The following MBTD1 variants were observed in gnomAD, a reference collection of about 807,000 sequenced individuals.
The protein encoded by MBTD1 is mbt domain containing 1.
A neutral mutation model predicts 87.8 loss-of-function variants in MBTD1; 24 were observed. The observed-to-expected ratio is 0.27, with a 90% CI of 0.20 to 0.38. The LOEUF is 0.38. MBTD1 is among the 10% of genes least tolerant of loss of function. The probability of loss-of-function intolerance (pLI) is 1.00; values close to 1 mark genes in which losing one functional copy is unlikely to be tolerated. For synonymous variants in MBTD1, 237 were observed against 248.6 expected, an observed-to-expected ratio of 0.95 and a Z score of 0.44; for missense variants, 436 against 760.2, an observed-to-expected ratio of 0.57 and a Z score of 5.02.
chr17:51,208,241 C>T (rs1424659846), intron 6 of MBTD1, among the ~76,000 whole-genome samples: 1 of 152,208 alleles, frequency 6.6e-6, no homozygotes, highest in African/African-American at 2.4e-5. Flanking sequence ...AAACCAAAGA[C>T]AGAATCAATT....
intron 12 of MBTD1, 122 bp downstream of exon 12, chr17:51,201,470 C>T (rs2051485579): frequency 1.9e-6 from 1 of 537,190 alleles, no homozygotes; most frequent in Non-Finnish European, 3.2e-6. Flanking sequence ...GCAACCTTCT[C>T]CCCAGTGAAG....
intron 2 of MBTD1, among the ~76,000 whole-genome samples, chr17:51,227,515 C>T (rs1277812929): frequency 2.6e-5 from 4 of 151,606 alleles, no homozygotes; most frequent in Admixed American, 6.6e-5. Context: ...GAGCCACGAT[C>T]GTGCCCCTGC....
Position 51,180,123 on chromosome 17 carries a change from G to A in MBTD1, c.*453C>T, listed in dbSNP as rs1469044555. On this transcript the variant is annotated 3_prime_UTR_variant, in exon 17 of 17. Transcript: ENST00000586178. ...CATATTTCTGCAGCAAAAGAAGCTG[G>A]AGATGTGACTGGCCTAACTTCTAAA... 5 of 155,644 alleles carry A rather than the reference G, an allele frequency of 3.2e-5. No individual in the cohort carries two copies. Among genetic ancestry groups the A allele is most frequent in the African/African-American group, 1.2e-4 (5 of 41,570 alleles). The allele number at this position is 155,644 out of a possible 1,614,324, so 9.6% of individuals were successfully genotyped here. A position where few individuals can be genotyped will look rare whatever the true frequency, so the allele number is the denominator to read the frequency against.
intron 12 of MBTD1, among the ~76,000 whole-genome samples, chr17:51,196,725 T>C (rs1430089622): frequency 2.0e-5 from 3 of 151,370 alleles, no homozygotes; most frequent in Non-Finnish European, 4.4e-5. Flanking sequence ...ACCCAGTCTC[T>C]ACTAAAAATA....
At chr17:51,212,976 C>A (rs1218308469) in intron 6 of MBTD1, among the ~76,000 whole-genome samples, 1 of 152,202 alleles carries the variant, frequency 6.6e-6, no homozygotes, top group Non-Finnish European at 1.5e-5. Context: ...GATCCGCCTG[C>A]CTCGGCCTCC....
intron 2 of MBTD1, among the ~76,000 whole-genome samples, chr17:51,234,057 CA>C (rs950489474): frequency 6.6e-6 from 1 of 150,872 alleles, no homozygotes; most frequent in Admixed American, 6.6e-5. Context: ...ATAGGAAAAA[CA>C]AAAAAAAGAA....
chr17:51,200,757 A>G (rs2051434824), intron 12 of MBTD1, among the ~76,000 whole-genome samples: 1 of 151,134 alleles, frequency 6.6e-6, no homozygotes, highest in Non-Finnish European at 1.5e-5. Context: ...CCAGCTACTC[A>G]GGGGGCCGAG....
intron 2 of MBTD1, among the ~76,000 whole-genome samples, chr17:51,241,320 C>T (rs991723997): frequency 3.9e-5 from 6 of 152,096 alleles, no homozygotes; most frequent in African/African-American, 1.4e-4. Flanking sequence ...GGTTTCTCCA[C>T]TGTACTTTTA....
At chr17:51,223,798 T>G (rs557047966) in intron 3 of MBTD1, among the ~76,000 whole-genome samples, 1 of 152,098 alleles carries the variant, frequency 6.6e-6, no homozygotes, top group Non-Finnish European at 1.5e-5. Context: ...ATTGCACCAC[T>G]GCACTCCAGC....
intron 16 of MBTD1, chr17:51,185,825 A>T (rs1455348286): frequency 1.3e-5 from 2 of 152,376 alleles, no homozygotes; most frequent in Non-Finnish European, 2.9e-5. Context: ...ATTTTATAAC[A>T]AAGTAAAAAA....
chr17:51,210,299 T>A (rs1337713041), intron 6 of MBTD1, among the ~76,000 whole-genome samples: 2 of 151,800 alleles, frequency 1.3e-5, no homozygotes, highest in East Asian at 2.0e-4. Flanking sequence ...CCTCTACTCA[T>A]CTTTTGATTT....
At chr17:51,227,360 A>T (rs1413614354) in intron 2 of MBTD1, among the ~76,000 whole-genome samples, 1 of 152,024 alleles carries the variant, frequency 6.6e-6, no homozygotes. Flanking sequence ...CAGGAGTTCA[A>T]GACTAGCCTG....
intron 16 of MBTD1, among the ~76,000 whole-genome samples, chr17:51,187,371 C>CA (rs2050584265): frequency 6.8e-6 from 1 of 147,382 alleles, no homozygotes; most frequent in Non-Finnish European, 1.5e-5. Context: ...CACAGTGCTC[C>CA]AGGCTGGGCA....
At chr17:51,222,425 GAC>G (rs2052958549) in intron 3 of MBTD1, among the ~76,000 whole-genome samples, 1 of 151,998 alleles carries the variant, frequency 6.6e-6, no homozygotes, top group East Asian at 1.9e-4. Flanking sequence ...TTTTTTTTGA[GAC>G]ACAGTCTCGC....
chr17:51,260,234 C>T (rs996136202), upstream of MBTD1: 1 of 436,926 alleles, frequency 2.3e-6, no homozygotes, highest in Admixed American at 4.1e-5. Context: ...TGGTTACAGC[C>T]AAGAGGAAAA....
Position 51,179,483 on chromosome 17 carries a change from TTTATATATATATATATATATATATATATA to T in MBTD1, c.*1064_*1092del, listed in dbSNP as rs1290302282. 41 of 37,052 alleles carry T rather than the reference TTTATATATATATATATATATATATATATA, an allele frequency of 1.1e-3. 1 individual carries two copies. Among genetic ancestry groups the T allele is most frequent in the African/African-American group, 6.2e-3 (38 of 6,124 alleles). The allele number at this position is 37,052 out of a possible 1,614,324, so 2.3% of individuals were successfully genotyped here. A position where few individuals can be genotyped will look rare whatever the true frequency, so the allele number is the denominator to read the frequency against. On this transcript the variant is annotated 3_prime_UTR_variant, in exon 17 of 17. Transcript: ENST00000586178. ...AATCCTGAATACAATTAAAGACAAT[TTTATATATATATATATATATATATATATA>T]TATATATATATATATATATATATAT...
intron 2 of MBTD1, among the ~76,000 whole-genome samples, chr17:51,230,943 T>G (rs867678062): frequency 9.9e-5 from 15 of 151,998 alleles, no homozygotes; most frequent in African/African-American, 3.6e-4. Context: ...ATACTCATAG[T>G]TTTTTTTGTT....
chr17:51,216,960 G>C (rs943456732), intron 6 of MBTD1, among the ~76,000 whole-genome samples: 1 of 151,992 alleles, frequency 6.6e-6, no homozygotes, highest in Admixed American at 6.6e-5. Flanking sequence ...CAGCATTTTG[G>C]GAGGCAAAGG....
At position 51,180,711 on chromosome 17, in the gene MBTD1, G is replaced by T; in HGVS notation, c.1769-17C>A. 7.4e-7 allele frequency: 1 copy of T among 1,352,000 alleles called. No homozygotes were observed. Among genetic ancestry groups the T allele is most frequent in the Non-Finnish European group, 1.0e-6 (1 of 965,046 alleles). The allele number at this position is 1,352,000 out of a possible 1,614,324, so 83.8% of individuals were successfully genotyped here. On this transcript the variant is annotated splice_polypyrimidine_tract_variant and intron_variant, in intron 16 of 16. Coordinates refer to ENST00000586178, the MANE Select transcript of MBTD1 (RefSeq NM_017643.3). The stretch of plus-strand genomic sequence containing the variant: ...GTGTTGTCACTGAATGAAAGAGAGA[G>T]AAACATATGGGCATTAAGGCTCTCT...
Sources: allele counts gnomAD v4.1 joint callset (sites outside exome capture counted in the v4.1 genomes callset), GRCh38; gene constraint gnomAD v4.1.1; transcripts MANE v1.5; gene names NCBI Gene and HGNC (gene_info 2026-07-23, HGNC 2026-07-21).